The following C1QTNF7 variants were observed in gnomAD, a reference collection of about 807,000 sequenced individuals.
C1QTNF7 encodes the protein C1q and TNF related 7.
A neutral mutation model predicts 19.6 loss-of-function variants in C1QTNF7; 15 were observed. That is an observed-to-expected ratio of 0.76 (90% CI 0.51 to 1.18). The LOEUF is 1.18. C1QTNF7 is among the 50% of genes most tolerant of loss of function. C1QTNF7 has a pLI of 0.00. For missense variants in C1QTNF7, 324 were observed against 359.7 expected, an observed-to-expected ratio of 0.90 and a Z score of 0.80; for synonymous variants, 142 against 137.5, an observed-to-expected ratio of 1.03 and a Z score of -0.23.
intron 1 of C1QTNF7, among the ~76,000 whole-genome samples, chr4:15,430,283 C>T (rs1265463239): frequency 6.6e-6 from 1 of 152,134 alleles, no homozygotes; most frequent in Non-Finnish European, 1.5e-5. Context: ...CAGACGTGTT[C>T]AAGATTAACA....
Position 15,442,272 on chromosome 4 carries a change from G to A in C1QTNF7, c.343G>A (p.Val115Ile). 6.2e-7 allele frequency: 1 copy of A among 1,614,112 alleles called. No individual in the cohort carries two copies. The highest frequency in any genetic ancestry group is 8.5e-7 in the Non-Finnish European group (1 of 1,180,036). ...PIGPEGEKGE[V>I]GPIGPPGPKG... ...AGGACCAGAGGGAGAGAAAGGAGAA[G>A]TAGGTCCAATTGGTCCTCCTGGACC... The change falls in exon 3 of 3, where the codon GTA becomes ATA. Residue 115 changes from valine to isoleucine, a missense_variant. Physicochemically the swap from Val to Ile is conservative, Grantham distance 29. Coordinates refer to ENST00000444304, the MANE Select transcript of C1QTNF7 (RefSeq NM_031911.5).
At chr4:15,434,257 A>T (rs769038097) in intron 1 of C1QTNF7, among the ~76,000 whole-genome samples, 2 of 151,916 alleles carry the variant, frequency 1.3e-5, no homozygotes, top group Non-Finnish European at 2.9e-5. Context: ...CACTAATAAG[A>T]TTTCTAGGAA....
At chr4:15,347,113 T>A (rs1484884361) in intron 1 of C1QTNF7, among the ~76,000 whole-genome samples, 2 of 152,222 alleles carry the variant, frequency 1.3e-5, no homozygotes, top group Admixed American at 6.5e-5. Flanking sequence ...AGACAATTTA[T>A]GTGCCAGGCT....
chr4:15,380,537 C>T (rs1277748203), intron 1 of C1QTNF7, among the ~76,000 whole-genome samples: 3 of 152,258 alleles, frequency 2.0e-5, no homozygotes, highest in African/African-American at 7.2e-5. Flanking sequence ...CCAAGACTTT[C>T]CATGTGCATT....
intron 1 of C1QTNF7, among the ~76,000 whole-genome samples, chr4:15,368,397 C>T (rs1717604736): frequency 6.6e-6 from 1 of 152,130 alleles, no homozygotes; most frequent in East Asian, 1.9e-4. Flanking sequence ...CCCATTAACT[C>T]GTCATTTACA....
At position 15,442,464 on chromosome 4, in the gene C1QTNF7, A is replaced by G; in HGVS notation, c.535A>G (p.Asn179Asp). The change falls in exon 3 of 3, where the codon AAC (asparagine) becomes GAC (aspartate). Residue 179 changes from asparagine (N) to aspartate (D), a missense_variant. By Grantham distance (23) the Asn-to-Asp change is conservative. Coordinates refer to ENST00000444304, the MANE Select transcript of C1QTNF7 (RefSeq NM_031911.5). Reference protein sequence around the residue: ...KVLFNEGEHYNPATGKFICAF... With the variant: ...KVLFNEGEHYDPATGKFICAF... ...CCTCTTCAACGAGGGAGAGCACTAC[A>G]ACCCTGCCACAGGGAAGTTCATCTG... 1 of 1,614,192 alleles carries G rather than the reference A, an allele frequency of 6.2e-7. No homozygotes were observed. The highest frequency in any genetic ancestry group is 1.1e-5 in the South Asian group (1 of 91,082).
At chr4:15,392,004 T>A (rs1307221563) in intron 1 of C1QTNF7, among the ~76,000 whole-genome samples, 2 of 152,132 alleles carry the variant, frequency 1.3e-5, no homozygotes, top group Admixed American at 1.3e-4. Context: ...AGTGCCCAGG[T>A]CCTCAGCCTG....
intron 1 of C1QTNF7, among the ~76,000 whole-genome samples, chr4:15,397,345 C>G (rs1391656274): frequency 2.0e-5 from 3 of 152,240 alleles, no homozygotes. Context: ...CTCTCGGAGA[C>G]TGTTCTCCCA....
At chr4:15,348,273 C>T (rs1158004302) in intron 1 of C1QTNF7, among the ~76,000 whole-genome samples, 1 of 152,092 alleles carries the variant, frequency 6.6e-6, no homozygotes, top group African/African-American at 2.4e-5. Context: ...TCAAAGGAGA[C>T]AATTTCAGTG....
intron 1 of C1QTNF7, among the ~76,000 whole-genome samples, chr4:15,377,003 A>G (rs1717961337): frequency 6.6e-6 from 1 of 152,214 alleles, no homozygotes; most frequent in Non-Finnish European, 1.5e-5. Context: ...GAAGAGTGAA[A>G]TAAATAACAA....
At chr4:15,368,275 CTTTTT>C (rs1717600596) in intron 1 of C1QTNF7, among the ~76,000 whole-genome samples, 4 of 151,946 alleles carry the variant, frequency 2.6e-5, no homozygotes, top group African/African-American at 4.8e-5. Context: ...ATGCTTTTTT[CTTTTT>C]ATTTTATTTT....
chr4:15,373,416 T>C (rs1371331243), intron 1 of C1QTNF7, among the ~76,000 whole-genome samples: 3 of 152,252 alleles, frequency 2.0e-5, no homozygotes, highest in Non-Finnish European at 4.4e-5. Context: ...CGTATGAATT[T>C]GTGGGGAAAC....
chr4:15,407,191 C>A (rs1383292500), intron 1 of C1QTNF7, among the ~76,000 whole-genome samples: 1 of 152,084 alleles, frequency 6.6e-6, no homozygotes, highest in Non-Finnish European at 1.5e-5. Context: ...ATGGTACAGC[C>A]CCATTGGTGG....
At chr4:15,344,521 T>C (rs1247454697) in intron 1 of C1QTNF7, among the ~76,000 whole-genome samples, 1 of 152,214 alleles carries the variant, frequency 6.6e-6, no homozygotes, top group African/African-American at 2.4e-5. Flanking sequence ...AGATTCTACA[T>C]GGACCTCAGT....
At chr4:15,342,434 C>T (rs940387492) in intron 1 of C1QTNF7, among the ~76,000 whole-genome samples, 1 of 152,202 alleles carries the variant, frequency 6.6e-6, no homozygotes, top group Admixed American at 6.5e-5. Flanking sequence ...CACTCTGTGC[C>T]AGATACTTTA....
chr4:15,433,167 A>T (rs1712400758), intron 1 of C1QTNF7, among the ~76,000 whole-genome samples: 1 of 152,160 alleles, frequency 6.6e-6, no homozygotes, highest in Non-Finnish European at 1.5e-5. Context: ...AAGCCTCATT[A>T]TGACTATCTT....
intron 1 of C1QTNF7, among the ~76,000 whole-genome samples, chr4:15,358,883 T>C (rs1390959819): frequency 6.6e-6 from 1 of 151,780 alleles, no homozygotes; most frequent in Non-Finnish European, 1.5e-5. Flanking sequence ...GATCTAGGAG[T>C]GGACAGAGTA....
chr4:15,409,151 T>C (rs924883413), intron 1 of C1QTNF7, among the ~76,000 whole-genome samples: 1 of 152,250 alleles, frequency 6.6e-6, no homozygotes, highest in Non-Finnish European at 1.5e-5. Context: ...TAGATTTTTG[T>C]AAAACCAAGA....
intron 1 of C1QTNF7, among the ~76,000 whole-genome samples, chr4:15,421,051 C>T (rs943067257): frequency 7.3e-5 from 11 of 151,680 alleles, no homozygotes; most frequent in Non-Finnish European, 1.3e-4. Flanking sequence ...GAACTTGGCT[C>T]ATGTCCTCAG....
Sources: gnomAD v4.1 joint callset for allele counts (sites outside exome capture counted in the v4.1 genomes callset) on GRCh38, gnomAD v4.1.1 for gene constraint, MANE v1.5 for transcripts, NCBI Gene and HGNC (gene_info 2026-07-23, HGNC 2026-07-21) for gene names.